The following TSPOAP1 variants were observed in gnomAD, a reference collection of about 807,000 sequenced individuals.
TSPOAP1 encodes peripheral-type benzodiazepine receptor-associated protein 1.
In TSPOAP1, 87 loss-of-function variants were observed where a neutral mutation model predicts 197.0. That is an observed-to-expected ratio of 0.44 (90% confidence interval 0.37 to 0.53). The LOEUF (loss-of-function observed/expected upper bound fraction) is 0.53, where lower values mean the gene tolerates loss of function less well. Ranked by LOEUF, TSPOAP1 falls within the 20% of genes least tolerant of loss-of-function variation. TSPOAP1 has a pLI of 0.00. For missense variants in TSPOAP1, 2,174 were observed against 2,411.3 expected (o/e 0.90, Z 2.06); for synonymous variants, 913 against 998.9 (o/e 0.91, Z 1.62).
Position 58,324,891 on chromosome 17 carries a change from G to GCGGGAA in TSPOAP1, c.861_862insTTCCCG (p.Thr287_Leu288insPhePro). 2.6e-6 allele frequency: 4 copies of GCGGGAA among 1,533,096 alleles called. No individual in the cohort carries two copies. Among genetic ancestry groups the GCGGGAA allele is most frequent in the Non-Finnish European group, 3.5e-6 (4 of 1,144,586 alleles). 95.0% of individuals were successfully genotyped at this position (1,533,096 alleles called of 1,614,324 possible). ...GGGGGCCAGGACGGCGGGAGCGGGA[G>GCGGGAA]CGTCTCCCGCTGGTTGCGCAGCGCG... On this transcript the variant is annotated inframe_insertion, in exon 5 of 32. Transcript: ENST00000343736. This position sits in a 1 kb window ranked among gnomAD's most constrained non-coding sequence, Gnocchi z 5.8.
At position 58,327,602 on chromosome 17, in the gene TSPOAP1, C is replaced by T. The variant is rs774541298; in HGVS notation, c.319G>A (p.Glu107Lys). 3.7e-6 allele frequency: 6 copies of T among 1,612,132 alleles called. No individual in the cohort carries two copies. Among genetic ancestry groups the T allele is most frequent in the Non-Finnish European group, 4.2e-6 (5 of 1,179,112 alleles). Residue 107 changes from glutamate (E) to lysine (K), a missense_variant, in exon 1 of 32, where the codon GAG becomes AAG. Coordinates refer to ENST00000343736, the MANE Select transcript of TSPOAP1 (RefSeq NM_004758.4). Reference sequence around the variant, plus strand: ...AGATCCCTTACCTTCAGGAAAGCCTCCACTTCCTCATCCTCTGGCCTCTGG... The same window carrying T: ...AGATCCCTTACCTTCAGGAAAGCCTTCACTTCCTCATCCTCTGGCCTCTGG... ...ACQRPEDEEV[E>K]AFLKAKLNMS... is the part of the protein sequence containing the mutation.
Position 58,322,574 on chromosome 17 carries a change from C to T in TSPOAP1, c.1317+80G>A. The T allele has an allele frequency of 6.3e-7, 1 of 1,583,126 alleles. No homozygotes were observed. The highest frequency in any genetic ancestry group is 8.6e-7 in the Non-Finnish European group (1 of 1,167,464). On this transcript the variant is annotated intron_variant, in intron 9 of 31. Transcript: ENST00000343736. The surrounding 1 kb of genome is among the most constrained non-coding windows in gnomAD (Gnocchi z 5.0). ...GGCCCAGGCCTCAGAGCTAGTGCCC[C>T]TCACTAAGAATATTCTGCTGTCCCA...
At chr17:58,323,721 C>T (rs1199140679) in intron 5 of TSPOAP1, among the ~76,000 whole-genome samples, 176 bp from the exon 6 acceptor site, 1 of 152,234 alleles carries the variant, frequency 6.6e-6, no homozygotes, top group Non-Finnish European at 1.5e-5. Context: ...TTGTCTCCAG[C>T]TGATGTGTAA....
rs567595780 is a variant in TSPOAP1 at position 58,305,656 on chromosome 17, T to C, written c.5258-13A>G. 1.4e-6 allele frequency: 2 copies of C among 1,431,266 alleles called. No homozygotes were observed. Among genetic ancestry groups the C allele is most frequent in the African/African-American group, 1.4e-5 (1 of 70,636 alleles). 88.7% of individuals were successfully genotyped at this position (1,431,266 alleles called of 1,614,324 possible). ...AGCTTAGGGGGGCCTGCAGGGGGAG[T>C]AGGAGAAGACTCTGGACTCTCTGGA... On this transcript the variant is annotated splice_polypyrimidine_tract_variant and intron_variant, in intron 27 of 31. Transcript: ENST00000343736.
Position 58,316,432 on chromosome 17 carries a change from G to A in TSPOAP1, c.1981C>T (p.Arg661Cys), listed in dbSNP as rs370287341. Reference protein sequence around the residue: ...GGARIQVFLARYSYNPFEGPN... With the variant: ...GGARIQVFLACYSYNPFEGPN... ...TGAGGGTGAGGGACCCACCTATAAC[G>A]TGCTAGGAAGACCTGGATCCTGGCT... is the stretch of plus-strand genomic sequence containing the variant. The change falls in exon 15 of 32, where the codon CGT becomes TGT. Residue 661 changes from arginine to cysteine, a missense_variant. Arg to Cys is a radical substitution (Grantham distance 180, BLOSUM62 -3). This residue lies in a region of TSPOAP1 where 1,933 missense variants were observed against 2,139.0 expected (regional missense o/e 0.90). Coordinates refer to ENST00000343736, the MANE Select transcript of TSPOAP1 (RefSeq NM_004758.4). 38 of 1,612,628 alleles carry A rather than the reference G, an allele frequency of 2.4e-5. No individual in the cohort carries two copies. Among genetic ancestry groups the A allele is most frequent in the Non-Finnish European group, 2.6e-5 (31 of 1,179,266 alleles).
rs1971108820 is a variant in TSPOAP1, at chr17:58,312,601, A to T, written c.2220T>A (p.Pro740=). ...CACCTACACTCAGGAAACTGAGTTC[A>T]GGGCCTGAGCTGTGGGACAAATCGG... ...ELADLSHSSG[P]ELSFLSVGGG... Residue 740 remains proline (P), a synonymous_variant, in exon 17 of 32, where the codon CCT becomes CCA. Coordinates refer to ENST00000343736, the MANE Select transcript of TSPOAP1 (RefSeq NM_004758.4). 2 of 1,613,506 alleles carry T rather than the reference A, an allele frequency of 1.2e-6. No homozygotes were observed. The highest frequency in any genetic ancestry group is 1.7e-5 in the Admixed American group (1 of 59,940).
In TSPOAP1 at chr17:58,318,401, T is replaced by A; in HGVS notation, c.1751A>T (p.Glu584Val). 6.2e-7 allele frequency: 1 copy of A among 1,613,920 alleles called. No individual in the cohort carries two copies. Among genetic ancestry groups the A allele is most frequent in the South Asian group, 1.1e-5 (1 of 91,084 alleles). ...SPGRCTPKSS[E>V]PAPATLTGVP... Reference sequence around the variant, plus strand: ...CCCAGTGAGAGTGGCAGGGGCAGGCTCGGAAGACTTTGGGGTGCAGCGCCC... The same window carrying A: ...CCCAGTGAGAGTGGCAGGGGCAGGCACGGAAGACTTTGGGGTGCAGCGCCC... The change falls in exon 14 of 32, where the codon GAG (glutamate) becomes GTG (valine). Residue 584 changes from glutamate (E) to valine (V), a missense_variant. Glu to Val is a moderately radical substitution (Grantham distance 121). This residue lies in a region of TSPOAP1 where 1,933 missense variants were observed against 2,139.0 expected (regional missense o/e 0.90). Coordinates refer to ENST00000343736, the MANE Select transcript of TSPOAP1 (RefSeq NM_004758.4).
Position 58,327,805 on chromosome 17 carries a change from G to A in TSPOAP1, c.116C>T (p.Ala39Val). 6.2e-7 allele frequency: 1 copy of A among 1,614,120 alleles called. No homozygotes were observed. The highest frequency in any genetic ancestry group is 8.5e-7 in the Non-Finnish European group (1 of 1,180,038). The change falls in exon 1 of 32, where the codon GCC becomes GTC. Residue 39 changes from alanine to valine, a missense_variant. Ala to Val is a moderately conservative substitution (Grantham distance 64). This residue lies in a region of TSPOAP1 where 1,933 missense variants were observed against 2,139.0 expected (regional missense o/e 0.90). Transcript: ENST00000343736. ...PGRGGEPSSA[A>V]PSIADTPPAA... ...CGGAGGAGTATCAGCGATGCTTGGGGCTGCACTGCTAGGTTCACCCCCTCG... is the reference window on the plus strand; with the variant it reads ...CGGAGGAGTATCAGCGATGCTTGGGACTGCACTGCTAGGTTCACCCCCTCG...
rs2143077017 is a variant in TSPOAP1, at chr17:58,316,471, C to A, written c.1942G>T (p.Gly648Cys). ...TGGATCCTGGCTCCTCCCCGGCTGC[C>A]CTCTGGCGCAGCTGGGAGCAGGGAG... ...SVSLLPAAPE[G>C]SRGGARIQVF... is the part of the protein sequence containing the mutation. The change falls in exon 15 of 32, where the codon GGC becomes TGC. Residue 648 changes from glycine (G) to cysteine (C), a missense_variant. Physicochemically the swap from Gly to Cys is radical, Grantham distance 159. Coordinates refer to ENST00000343736, the MANE Select transcript of TSPOAP1 (RefSeq NM_004758.4). 1.2e-6 allele frequency: 2 copies of A among 1,613,876 alleles called. No individual in the cohort carries two copies. The highest frequency in any genetic ancestry group is 8.5e-7 in the Non-Finnish European group (1 of 1,179,856).
chr17:58,322,637 C>T lies in TSPOAP1; in HGVS notation c.1317+17G>A, dbSNP rs182844098. 4.7e-3 allele frequency: 7,564 copies of T among 1,607,572 alleles called. 28 individuals carry two copies. The highest frequency in any genetic ancestry group is 5.8e-3 in the Non-Finnish European group (6,842 of 1,179,924). ...GCCAGGGCCCAGCACCCTCTCCCACCTGCACCATCTCCTCACCTTCAGCAC... is the reference window on the plus strand; with the variant it reads ...GCCAGGGCCCAGCACCCTCTCCCACTTGCACCATCTCCTCACCTTCAGCAC... On this transcript the variant is annotated intron_variant, in intron 9 of 31. Transcript: ENST00000343736. This position sits in a 1 kb window ranked among gnomAD's most constrained non-coding sequence, Gnocchi z 5.0.
At chr17:58,313,801 G>A (rs1179816982) in intron 16 of TSPOAP1, among the ~76,000 whole-genome samples, 1 of 152,154 alleles carries the variant, frequency 6.6e-6, no homozygotes, top group Non-Finnish European at 1.5e-5. Context: ...TCACTTGTAA[G>A]TTCTAGAAGG....
rs1279177904 is a variant in TSPOAP1, at chr17:58,312,364, C to T, written c.2457G>A (p.Glu819=). 3 of 1,612,114 alleles carry T rather than the reference C, an allele frequency of 1.9e-6. No homozygotes were observed. The highest frequency in any genetic ancestry group is 1.1e-5 in the South Asian group (1 of 90,904). The stretch of plus-strand genomic sequence containing the variant: ...TCACACAGATATGGAAGCCGTGTAG[C>T]TCCACTTGCTCAGGAGGCGGCTCCC... The part of the protein sequence containing the change: ...LAWEPPPEQV[E]LHGFHICVNG... Residue 819 remains glutamate, a synonymous_variant, in exon 17 of 32, where the codon GAG becomes GAA. Transcript: ENST00000343736.
Position 58,309,400 on chromosome 17 carries a change from G to A in TSPOAP1, c.3892-20C>T. Reference sequence around the variant, plus strand: ...CTGGGACTGGTGGAGGTGGGGAGGTGGGAGTAGAACACAGCAGGGAAGAGA... The same window carrying A: ...CTGGGACTGGTGGAGGTGGGGAGGTAGGAGTAGAACACAGCAGGGAAGAGA... On this transcript the variant is annotated intron_variant, in intron 21 of 31. Transcript: ENST00000343736. The surrounding 1 kb of genome is among the most constrained non-coding windows in gnomAD (Gnocchi z 5.0). 1 of 1,595,258 alleles carries A rather than the reference G, an allele frequency of 6.3e-7. No individual in the cohort carries two copies. The highest frequency in any genetic ancestry group is 2.2e-5 in the East Asian group (1 of 44,728).
At position 58,302,161 on chromosome 17, in the gene TSPOAP1, G is replaced by T; in HGVS notation, c.*319C>A. ...TCCCTCTGAATGCCACAGTGTTAAC[G>T]CAGAAGAACGGGGGCTCTGGGCCCA... On this transcript the variant is annotated 3_prime_UTR_variant, in exon 32 of 32. Transcript: ENST00000343736. 9.6e-7 allele frequency: 1 copy of T among 1,045,542 alleles called. No individual in the cohort carries two copies. Among genetic ancestry groups the T allele is most frequent in the Non-Finnish European group, 1.2e-6 (1 of 800,396 alleles). The allele number at this position is 1,045,542 out of a possible 1,614,324, so 64.8% of individuals were successfully genotyped here. A position where few individuals can be genotyped will look rare whatever the true frequency, so the allele number is the denominator to read the frequency against.
In TSPOAP1 at chr17:58,327,986, G is replaced by A. The variant is rs924615783; in HGVS notation, c.-66C>T. Reference sequence around the variant, plus strand: ...CACCCAGCCAGGTGGGGGGACTGGCGAGGGTCATGCCAGGCCAGCCCCTCT... The same window carrying A: ...CACCCAGCCAGGTGGGGGGACTGGCAAGGGTCATGCCAGGCCAGCCCCTCT... On this transcript the variant is annotated 5_prime_UTR_variant, in exon 1 of 32. Transcript: ENST00000343736. 32 of 1,393,996 alleles carry A rather than the reference G, an allele frequency of 2.3e-5. No homozygotes were observed. Among genetic ancestry groups the A allele is most frequent in the Admixed American group, 1.1e-4 (5 of 45,878 alleles). The allele number at this position is 1,393,996 out of a possible 1,614,324, so 86.4% of individuals were successfully genotyped here.
chr17:58,308,474 G>A (rs1970976142), intron 22 of TSPOAP1, 67 bp downstream of exon 22: 1 of 1,486,828 alleles, frequency 6.7e-7, no homozygotes, highest in Non-Finnish European at 8.9e-7. Flanking sequence ...AGCTGCTGGT[G>A]GGCAGCAAGC....
rs1567843811 is a variant in TSPOAP1 at position 58,312,694 on chromosome 17, C to T, written c.2127G>A (p.Leu709=). 26 of 1,613,484 alleles carry T rather than the reference C, an allele frequency of 1.6e-5. No homozygotes were observed. Among genetic ancestry groups the T allele is most frequent in the Non-Finnish European group, 1.9e-5 (23 of 1,179,990 alleles). ...EGELMDGRRG[L]VPSNFVERVS... The stretch of plus-strand genomic sequence containing the variant: ...CACGCTCTACAAAATTGGAAGGGAC[C>T]AGGCCCCTTCGGCCATCCATGAGCT... Residue 709 remains leucine, a synonymous_variant, in exon 17 of 32, where the codon CTG becomes CTA. Transcript: ENST00000343736.
Position 58,326,153 on chromosome 17 carries a change from C to A in TSPOAP1, c.570+140G>T. The A allele has an allele frequency of 1.4e-6, 2 of 1,383,252 alleles. No individual in the cohort carries two copies. The highest frequency in any genetic ancestry group is 2.9e-5 in the South Asian group (2 of 69,980). 85.7% of individuals were successfully genotyped at this position (1,383,252 alleles called of 1,614,324 possible). ...GCCTGGCCAGCCTCTGCCCTTCCTG[C>A]ACCTTAGCCCCTAGATTCTTGCTTT... On this transcript the variant is annotated intron_variant, in intron 3 of 31. Transcript: ENST00000343736. This position sits in a 1 kb window ranked among gnomAD's most constrained non-coding sequence, Gnocchi z 4.7.
rs775779719 is a variant in TSPOAP1 at position 58,318,332 on chromosome 17, G to A, written c.1820C>T (p.Ser607Phe). ...GTTGTGGATGGACTCGGAGTGGGAG[G>A]AGTTGGAGAGAGACTCTGCCTTCTT... The part of the protein sequence containing the change: ...TAKKAESLSN[S>F]SHSESIHNSP... The change falls in exon 14 of 32, where the codon TCC (serine) becomes TTC (phenylalanine). Residue 607 changes from serine to phenylalanine, a missense_variant. Around this residue, in one of 5 missense-constraint regions of TSPOAP1, gnomAD observed 1,933 missense variants for 2,139.0 expected, o/e 0.90. Transcript: ENST00000343736. The A allele has an allele frequency of 6.2e-7, 1 of 1,614,192 alleles. No homozygotes were observed. Among genetic ancestry groups the A allele is most frequent in the Non-Finnish European group, 8.5e-7 (1 of 1,180,036 alleles).
Sources: allele counts gnomAD v4.1 joint callset (sites outside exome capture counted in the v4.1 genomes callset), GRCh38; gene constraint gnomAD v4.1.1; regional missense constraint gnomAD v4.1.1; non-coding constraint Gnocchi (gnomAD v3.1); transcripts MANE v1.5; gene names NCBI Gene and HGNC (gene_info 2026-07-23, HGNC 2026-07-21).